Variants in DDI1 observed in about 807,000 individuals in gnomAD.
DDI1 encodes the protein protein DDI1 homolog 1.
DDI1 carries 6 observed loss-of-function variants against 7.2 expected under a neutral mutation model. The observed-to-expected ratio is 0.83, with a 90% CI of 0.46 to 1.64. The LOEUF (loss-of-function observed/expected upper bound fraction) is 1.64. DDI1 is among the 40% of genes most tolerant of loss of function. DDI1 has a pLI of 0.01. For missense variants in DDI1, 502 were observed against 516.6 expected (o/e 0.97, Z 0.27); for synonymous variants, 221 against 201.7 (o/e 1.10, Z -0.81).
chr11:104,037,106 A>C lies in DDI1; in HGVS notation c.284A>C (p.Asp95Ala). The change falls in exon 1 of 1, where the codon GAC becomes GCC. Residue 95 changes from aspartate to alanine, a missense_variant. Transcript: ENST00000302259. ...PGRAPNQPRVDFSGIAVPGTS... is the reference protein window; with the variant it reads ...PGRAPNQPRVAFSGIAVPGTS... ...CGTGCCCCGAACCAGCCTCGTGTAGACTTCAGTGGCATTGCGGTGCCTGGG... is the reference window on the plus strand; with the variant it reads ...CGTGCCCCGAACCAGCCTCGTGTAGCCTTCAGTGGCATTGCGGTGCCTGGG... The C allele has an allele frequency of 6.2e-7, 1 of 1,614,104 alleles. No homozygotes were observed. Among genetic ancestry groups the C allele is most frequent in the Non-Finnish European group, 8.5e-7 (1 of 1,180,024 alleles).
At position 104,037,379 on chromosome 11, in the gene DDI1, A is replaced by G; in HGVS notation, c.557A>G (p.Gln186Arg). ...LETFSQVLME[Q>R]QREKALREQE... is the part of the protein sequence containing the mutation. ...ACCTTTTCTCAGGTGCTGATGGAGCAGCAAAGGGAAAAGGCCTTGAGAGAG... is the reference window on the plus strand; with the variant it reads ...ACCTTTTCTCAGGTGCTGATGGAGCGGCAAAGGGAAAAGGCCTTGAGAGAG... Residue 186 changes from glutamine to arginine, a missense_variant, in exon 1 of 1, where the codon CAG (glutamine) becomes CGG (arginine). By Grantham distance (43) the Gln-to-Arg change is conservative. Transcript: ENST00000302259. 1.2e-6 allele frequency: 2 copies of G among 1,614,150 alleles called. No individual in the cohort carries two copies.
Position 104,037,410 on chromosome 11 carries a change from G to C in DDI1, c.588G>C (p.Glu196Asp), listed in dbSNP as rs1860266858. ...QQREKALREQ[E>D]RLRLYTADPL... is the part of the protein sequence containing the mutation. ...GGGAAAAGGCCTTGAGAGAGCAAGA[G>C]AGGCTTCGTCTCTACACAGCCGACC... Residue 196 changes from glutamate to aspartate, a missense_variant, in exon 1 of 1, where the codon GAG becomes GAC. By Grantham distance (45) the Glu-to-Asp change is conservative. Transcript: ENST00000302259. The C allele has an allele frequency of 6.2e-7, 1 of 1,614,134 alleles. No homozygotes were observed. Among genetic ancestry groups the C allele is most frequent in the Non-Finnish European group, 8.5e-7 (1 of 1,180,048 alleles).
Position 104,037,873 on chromosome 11 carries a change from A to T in DDI1, c.1051A>T (p.Ile351Phe). Residue 351 changes from isoleucine to phenylalanine, a missense_variant, in exon 1 of 1, where the codon ATC (isoleucine) becomes TTC (phenylalanine). Physicochemically the swap from Ile to Phe is conservative, Grantham distance 21. Coordinates refer to ENST00000302259, the MANE Select transcript of DDI1 (RefSeq NM_001001711.3). Reference sequence around the variant, plus strand: ...CGATTTGAAGAAAAATGTGCTGGTCATCGGCACCACTGGCACGCAGACTTA... The same window carrying T: ...CGATTTGAAGAAAAATGTGCTGGTCTTCGGCACCACTGGCACGCAGACTTA... The part of the protein sequence containing the change: ...SIDLKKNVLV[I>F]GTTGTQTYFL... 1 of 1,614,216 alleles carries T rather than the reference A, an allele frequency of 6.2e-7. No homozygotes were observed. Among genetic ancestry groups the T allele is most frequent in the Non-Finnish European group, 8.5e-7 (1 of 1,180,042 alleles).
At position 104,038,704 on chromosome 11, in the gene DDI1, T is replaced by C. The variant is rs1254568625; in HGVS notation, c.*691T>C. On this transcript the variant is annotated 3_prime_UTR_variant, in exon 1 of 1. Coordinates refer to ENST00000302259, the MANE Select transcript of DDI1 (RefSeq NM_001001711.3). ...TGCTACATTAATTTTCTATTTCTCC[T>C]GCATTCAAAGAAACTCTGGCTATAA... is the stretch of plus-strand genomic sequence containing the variant. The C allele has an allele frequency of 1.2e-5, 2 of 167,092 alleles. No homozygotes were observed. The allele number at this position is 167,092 out of a possible 1,614,324, so 10.4% of individuals were successfully genotyped here. A position where few individuals can be genotyped will look rare whatever the true frequency, so the allele number is the denominator to read the frequency against.
rs755197438 is a variant in DDI1, at chr11:104,037,086, C to G, written c.264C>G (p.Ala88=). ...DNVGPRAPGR[A]PNQPRVDFSG... ...TGGGACCTCGGGCTCCAGGGCGTGCCCCGAACCAGCCTCGTGTAGACTTCA... is the reference window on the plus strand; with the variant it reads ...TGGGACCTCGGGCTCCAGGGCGTGCGCCGAACCAGCCTCGTGTAGACTTCA... The change falls in exon 1 of 1, where the codon GCC becomes GCG. Residue 88 remains alanine, a synonymous_variant. Transcript: ENST00000302259. 1.2e-6 allele frequency: 2 copies of G among 1,614,206 alleles called. No individual in the cohort carries two copies. The highest frequency in any genetic ancestry group is 2.2e-5 in the South Asian group (2 of 91,084).
In DDI1 at chr11:104,037,081, C is replaced by G; in HGVS notation, c.259C>G (p.Arg87Gly). 1 of 1,614,198 alleles carries G rather than the reference C, an allele frequency of 6.2e-7. No individual in the cohort carries two copies. Among genetic ancestry groups the G allele is most frequent in the Non-Finnish European group, 8.5e-7 (1 of 1,180,046 alleles). ...CAATGTGGGACCTCGGGCTCCAGGG[C>G]GTGCCCCGAACCAGCCTCGTGTAGA... The part of the protein sequence containing the change: ...KDNVGPRAPG[R>G]APNQPRVDFS... Residue 87 changes from arginine to glycine, a missense_variant, in exon 1 of 1, where the codon CGT (arginine) becomes GGT (glycine). Arg to Gly is a moderately radical substitution (Grantham distance 125). Transcript: ENST00000302259.
chr11:104,037,608 C>A lies in DDI1; in HGVS notation c.786C>A (p.Gly262=), dbSNP rs749546050. The change falls in exon 1 of 1, where the codon GGC becomes GGA. Residue 262 remains glycine, a synonymous_variant. Transcript: ENST00000302259. ...CTTTGAAGGCTTTTGTTGACTCGGG[C>A]GCCCAGATGACCATTATGAGCCAGG... ...GHPLKAFVDS[G]AQMTIMSQAC... 1.1e-5 allele frequency: 18 copies of A among 1,613,850 alleles called. No homozygotes were observed. In the African/African-American group the frequency reaches 1.2e-4, roughly 11 times the overall value.
In DDI1 at chr11:104,037,698, A is replaced by T; in HGVS notation, c.876A>T (p.Gly292=). Residue 292 remains glycine, a synonymous_variant, in exon 1 of 1, where the codon GGA becomes GGT. Transcript: ENST00000302259. ...VDRRWAGVAK[G]VGTQRIIGRV... is the part of the protein sequence containing the mutation. ...GACGGTGGGCTGGGGTTGCTAAAGGAGTGGGCACACAGAGAATTATTGGCC... is the reference window on the plus strand; with the variant it reads ...GACGGTGGGCTGGGGTTGCTAAAGGTGTGGGCACACAGAGAATTATTGGCC... 6.2e-7 allele frequency: 1 copy of T among 1,614,102 alleles called. No individual in the cohort carries two copies. The highest frequency in any genetic ancestry group is 1.1e-5 in the South Asian group (1 of 91,068).
rs1412903722 is a variant in DDI1, at chr11:104,037,166, A to T, written c.344A>T (p.Gln115Leu). 1.9e-6 allele frequency: 3 copies of T among 1,613,676 alleles called. No homozygotes were observed. The African/African-American group carries it at 4.0e-5, about 21-fold the overall frequency. Residue 115 changes from glutamine to leucine, a missense_variant, in exon 1 of 1, where the codon CAG (glutamine) becomes CTG (leucine). By Grantham distance (113) the Gln-to-Leu change is moderately radical. Coordinates refer to ENST00000302259, the MANE Select transcript of DDI1 (RefSeq NM_001001711.3). ...SSSRPQHPGQ[Q>L]QQRTPAAQRS... ...TCCCGTCCACAGCACCCTGGACAGC[A>T]GCAGCAGCGCACACCCGCTGCCCAG...
rs75141026 is a variant in DDI1 at position 104,039,026 on chromosome 11, G to A, written c.*1013G>A. Reference sequence around the variant, plus strand: ...AGAATTATCCATTCTGACAATGTTAGTGTTTATTACAACTGACAGTGGGTA... The same window carrying A: ...AGAATTATCCATTCTGACAATGTTAATGTTTATTACAACTGACAGTGGGTA... On this transcript the variant is annotated 3_prime_UTR_variant, in exon 1 of 1. Transcript: ENST00000302259. 1 of 167,042 alleles carries A rather than the reference G, an allele frequency of 6.0e-6. No homozygotes were observed. Among genetic ancestry groups the A allele is most frequent in the Non-Finnish European group, 1.5e-5 (1 of 68,106 alleles). The allele number at this position is 167,042 out of a possible 1,614,324, so 10.3% of individuals were successfully genotyped here.
chr11:104,037,977 A>T lies in DDI1; in HGVS notation c.1155A>T (p.Thr385=), dbSNP rs756523264. Residue 385 remains threonine, a synonymous_variant, in exon 1 of 1, where the codon ACA becomes ACT. Transcript: ENST00000302259. ...ATGAGTCTTCGGACAAGGAAATTACACATTCAGTCATGGATTCAGGACGAA... is the reference window on the plus strand; with the variant it reads ...ATGAGTCTTCGGACAAGGAAATTACTCATTCAGTCATGGATTCAGGACGAA... ...GQDESSDKEI[T]HSVMDSGRKE... 1 of 1,614,008 alleles carries T rather than the reference A, an allele frequency of 6.2e-7. No homozygotes were observed. The highest frequency in any genetic ancestry group is 1.3e-5 in the African/African-American group (1 of 75,042).
chr11:104,037,024 G>A lies in DDI1; in HGVS notation c.202G>A (p.Asp68Asn). The A allele has an allele frequency of 6.2e-7, 1 of 1,614,234 alleles. No homozygotes were observed. Among genetic ancestry groups the A allele is most frequent in the South Asian group, 1.1e-5 (1 of 91,086 alleles). The change falls in exon 1 of 1, where the codon GAT becomes AAT. Residue 68 changes from aspartate to asparagine, a missense_variant. Physicochemically the swap from Asp to Asn is conservative, Grantham distance 23. Transcript: ENST00000302259. Reference protein sequence around the residue: ...HCSLGSYGLKDGDIVVLLQKD... With the variant: ...HCSLGSYGLKNGDIVVLLQKD... ...TTCCCTGGGCTCCTACGGCCTCAAA[G>A]ATGGCGATATCGTGGTTTTACTGCA...
rs766627940 is a variant in DDI1 at position 104,038,034 on chromosome 11, C to G, written c.*21C>G. ...ATTAAAGCACGTTATAAATATGTTA[C>G]CACCTTGAGGGAGCCTCAGGTCCCC... On this transcript the variant is annotated 3_prime_UTR_variant, in exon 1 of 1. Transcript: ENST00000302259. 1.9e-6 allele frequency: 3 copies of G among 1,594,912 alleles called. No homozygotes were observed. The highest frequency in any genetic ancestry group is 4.5e-5 in the East Asian group (2 of 44,598).
rs780401320 is a variant in DDI1 at position 104,037,847 on chromosome 11, T to C, written c.1025T>C (p.Ile342Thr). The C allele has an allele frequency of 2.5e-6, 4 of 1,614,164 alleles. No individual in the cohort carries two copies. The highest frequency in any genetic ancestry group is 2.2e-5 in the South Asian group (2 of 91,082). Residue 342 changes from isoleucine (I) to threonine (T), a missense_variant, in exon 1 of 1, where the codon ATC becomes ACC. Coordinates refer to ENST00000302259, the MANE Select transcript of DDI1 (RefSeq NM_001001711.3). ...LDMLRRHQCS[I>T]DLKKNVLVIG... ...ATGCTCCGGAGACATCAATGTTCCA[T>C]CGATTTGAAGAAAAATGTGCTGGTC...
chr11:104,037,116 C>T lies in DDI1; in HGVS notation c.294C>T (p.Gly98=). The change falls in exon 1 of 1, where the codon GGC becomes GGT. Residue 98 remains glycine, a synonymous_variant. Coordinates refer to ENST00000302259, the MANE Select transcript of DDI1 (RefSeq NM_001001711.3). ...APNQPRVDFS[G]IAVPGTSSSR... ...ACCAGCCTCGTGTAGACTTCAGTGGCATTGCGGTGCCTGGGACGTCCAGCT... is the reference window on the plus strand; with the variant it reads ...ACCAGCCTCGTGTAGACTTCAGTGGTATTGCGGTGCCTGGGACGTCCAGCT... 6.2e-7 allele frequency: 1 copy of T among 1,614,038 alleles called. No individual in the cohort carries two copies. Among genetic ancestry groups the T allele is most frequent in the Non-Finnish European group, 8.5e-7 (1 of 1,180,020 alleles).
In DDI1 at chr11:104,038,012, A is replaced by G; in HGVS notation, c.1190A>G (p.Ter397=). 1.9e-6 allele frequency: 3 copies of G among 1,609,472 alleles called. No individual in the cohort carries two copies. The highest frequency in any genetic ancestry group is 2.6e-6 in the Non-Finnish European group (3 of 1,176,456). The change falls in exon 1 of 1, where the codon TAA becomes TGA. Residue 397 remains the stop codon, a stop_retained_variant. Transcript: ENST00000302259. The stretch of plus-strand genomic sequence containing the variant: ...ATGGATTCAGGACGAAAAGAGCATT[A>G]AAGCACGTTATAAATATGTTACCAC... ...SVMDSGRKEH[*]
In DDI1 at chr11:104,037,887, C is replaced by A; in HGVS notation, c.1065C>A (p.Gly355=). ...ATGTGCTGGTCATCGGCACCACTGG[C>A]ACGCAGACTTATTTTCTTCCTGAGG... The part of the protein sequence containing the change: ...KKNVLVIGTT[G]TQTYFLPEGE... Residue 355 remains glycine (G), a synonymous_variant, in exon 1 of 1, where the codon GGC becomes GGA. Coordinates refer to ENST00000302259, the MANE Select transcript of DDI1 (RefSeq NM_001001711.3). 6.2e-7 allele frequency: 1 copy of A among 1,614,190 alleles called. No individual in the cohort carries two copies. Among genetic ancestry groups the A allele is most frequent in the Non-Finnish European group, 8.5e-7 (1 of 1,180,032 alleles).
rs769976508 is a variant in DDI1, at chr11:104,037,513, A to ATAGAAGAGGCCCCCGAGAGTTTT, written c.692_714dup (p.Gly239Ter). The ATAGAAGAGGCCCCCGAGAGTTTT allele has an allele frequency of 8.7e-6, 14 of 1,614,008 alleles. No homozygotes were observed. In the East Asian group the frequency reaches 2.9e-4, roughly 33 times the overall value. ...CATTGAAGAAAACATGAATATAGCG[A>ATAGAAGAGGCCCCCGAGAGTTTT]TAGAAGAGGCCCCCGAGAGTTTTGG... On this transcript the variant is annotated frameshift_variant, in exon 1 of 1. Coordinates refer to ENST00000302259, the MANE Select transcript of DDI1 (RefSeq NM_001001711.3). LOFTEE classifies it high-confidence loss of function.
rs111318551 is a variant in DDI1 at position 104,037,014 on chromosome 11, C to T, written c.192C>T (p.Tyr64=). 19 of 1,614,224 alleles carry T rather than the reference C, an allele frequency of 1.2e-5. No homozygotes were observed. The highest frequency in any genetic ancestry group is 1.7e-5 in the Admixed American group (1 of 60,030). The part of the protein sequence containing the change: ...LIEDHCSLGS[Y]GLKDGDIVVL... The stretch of plus-strand genomic sequence containing the variant: ...AGGACCACTGTTCCCTGGGCTCCTA[C>T]GGCCTCAAAGATGGCGATATCGTGG... The change falls in exon 1 of 1, where the codon TAC becomes TAT. Residue 64 remains tyrosine (Y), a synonymous_variant. Transcript: ENST00000302259.
Sources: allele counts gnomAD v4.1 joint callset, GRCh38; gene constraint gnomAD v4.1.1; transcripts MANE v1.5; gene names NCBI Gene and HGNC (gene_info 2026-07-23, HGNC 2026-07-21).